The following UVRAG variants were observed in gnomAD, a reference collection of about 807,000 sequenced individuals.
UVRAG encodes UV radiation resistance associated.
UVRAG carries 19 observed loss-of-function variants against 78.0 expected under a neutral mutation model. That is an observed-to-expected ratio of 0.24 (90% CI 0.17 to 0.36). UVRAG has a LOEUF of 0.36. UVRAG is among the 10% of genes least tolerant of loss of function. The pLI, the probability that UVRAG is intolerant of heterozygous loss-of-function variation, is 1.00. For missense variants in UVRAG, 740 were observed against 853.8 expected (o/e 0.87, Z 1.66); for synonymous variants, 323 against 324.6 (o/e 1.00, Z 0.05).
chr11:75,867,023 G>A (rs991008519), intron 3 of UVRAG, among the ~76,000 whole-genome samples: 1 of 151,970 alleles, frequency 6.6e-6, no homozygotes, highest in Non-Finnish European at 1.5e-5. Context: ...AATCCTATTA[G>A]CAATAAAATA....
intron 14 of UVRAG, 86 bp downstream of exon 14, chr11:76,116,101 C>G: frequency 3.1e-6 from 4 of 1,285,330 alleles, no homozygotes; most frequent in Non-Finnish European, 4.4e-6. Context: ...TGCTCCACAC[C>G]TGCCTCTGAG....
chr11:75,979,008 T>C (rs1474381168), intron 7 of UVRAG, among the ~76,000 whole-genome samples: 1 of 152,234 alleles, frequency 6.6e-6, no homozygotes, highest in Non-Finnish European at 1.5e-5. Context: ...TTTGTGGTTT[T>C]ATCTACCTTT....
intron 12 of UVRAG, among the ~76,000 whole-genome samples, chr11:76,040,332 G>A (rs1950621614): frequency 6.6e-6 from 1 of 151,544 alleles, no homozygotes; most frequent in Non-Finnish European, 1.5e-5. Flanking sequence ...AATTAGCCGG[G>A]CATGGTGGCG....
At chr11:76,123,520 G>A (rs1396879310) in intron 14 of UVRAG, among the ~76,000 whole-genome samples, 1 of 152,070 alleles carries the variant, frequency 6.6e-6, no homozygotes, top group East Asian at 1.9e-4. Context: ...TTCTGAATAA[G>A]AAAAAGGAAG....
chr11:75,974,524 G>T (rs922197427), intron 7 of UVRAG, among the ~76,000 whole-genome samples: 1 of 151,112 alleles, frequency 6.6e-6, no homozygotes, highest in African/African-American at 2.4e-5. Flanking sequence ...CCGCCACCGC[G>T]CCCGGCTAAT....
At chr11:76,093,433 A>G (rs917263899) in intron 13 of UVRAG, among the ~76,000 whole-genome samples, 5 of 152,204 alleles carry the variant, frequency 3.3e-5, no homozygotes, top group Non-Finnish European at 4.4e-5. Context: ...CATTGAATCT[A>G]TAAATTACCT....
chr11:76,017,095 T>C (rs907470317), intron 12 of UVRAG, 115 bp downstream of exon 12: 8 of 656,162 alleles, frequency 1.2e-5, no homozygotes, highest in African/African-American at 1.1e-4. Context: ...ATAACCTTTG[T>C]AGAGTGCCTC....
intron 12 of UVRAG, among the ~76,000 whole-genome samples, chr11:76,052,351 C>T (rs1345942644): frequency 2.0e-5 from 3 of 152,224 alleles, no homozygotes; most frequent in African/African-American, 4.8e-5. Flanking sequence ...CCCTTCTGTA[C>T]TCTCACCTGT....
At chr11:76,070,721 T>C (rs1244246750) in intron 13 of UVRAG, among the ~76,000 whole-genome samples, 1 of 152,170 alleles carries the variant, frequency 6.6e-6, no homozygotes, top group Non-Finnish European at 1.5e-5. Flanking sequence ...AGATCCCTGA[T>C]CCCTGCCTCG....
At chr11:75,839,838 T>TAC (rs1555071869) in intron 1 of UVRAG, among the ~76,000 whole-genome samples, 30 of 149,754 alleles carry the variant, frequency 2.0e-4, no homozygotes, top group South Asian at 1.1e-3. Flanking sequence ...TATATATATA[T>TAC]ACACACCCCC....
At chr11:75,988,286 C>G (rs184290633) in intron 8 of UVRAG, among the ~76,000 whole-genome samples, 2 of 152,308 alleles carry the variant, frequency 1.3e-5, no homozygotes, top group East Asian at 3.9e-4. Flanking sequence ...TTTCCTCCAT[C>G]GTTTGACCAC....
chr11:76,068,071 A>G (rs140678319), intron 13 of UVRAG, among the ~76,000 whole-genome samples: 17 of 152,268 alleles, frequency 1.1e-4, no homozygotes, highest in African/African-American at 2.6e-4. Flanking sequence ...CATACACACA[A>G]TATGCACATG....
chr11:75,941,301 TTTA>T (rs966160838), intron 6 of UVRAG, among the ~76,000 whole-genome samples: 1 of 152,126 alleles, frequency 6.6e-6, no homozygotes, highest in Non-Finnish European at 1.5e-5. Context: ...TCTCCATATC[TTTA>T]TTATTAATTT....
At chr11:75,943,133 A>G (rs1272114190) in intron 6 of UVRAG, among the ~76,000 whole-genome samples, 4 of 152,114 alleles carry the variant, frequency 2.6e-5, no homozygotes, top group African/African-American at 7.2e-5. Flanking sequence ...TTGGGAGGGT[A>G]CAAATATTTA....
At chr11:75,876,600 G>T (rs183536122) in intron 3 of UVRAG, among the ~76,000 whole-genome samples, 4 of 151,726 alleles carry the variant, frequency 2.6e-5, no homozygotes, top group Non-Finnish European at 4.4e-5. Flanking sequence ...ATACAATCCA[G>T]TATAAAACTG....
chr11:76,064,632 T>C (rs1951154051), intron 12 of UVRAG, among the ~76,000 whole-genome samples: 1 of 152,322 alleles, frequency 6.6e-6, no homozygotes, highest in East Asian at 1.9e-4. Flanking sequence ...GTGTAACAAA[T>C]TTACCTTTGG....
In UVRAG at chr11:75,935,473, T is replaced by TTC. The variant is rs138539219; in HGVS notation, c.593+23452_593+23453dup. On this transcript the variant is annotated intron_variant, in intron 6 of 14. Transcript: ENST00000356136. ...AGGAAAAAAGGCAATCTGTCTCTCT[T>TTC]TCTCTCTCTCTCTCTCTCTGCTATA... is the stretch of plus-strand genomic sequence containing the variant. Among the ~76,000 whole-genome samples, 1,110 of 149,566 alleles carry TTC rather than the reference T, an allele frequency of 7.4e-3. 13 individuals carry two copies. The highest frequency in any genetic ancestry group is 0.025 in the African/African-American group (1,025 of 41,044).
At chr11:76,045,012 G>T (rs781184369) in intron 12 of UVRAG, among the ~76,000 whole-genome samples, 2 of 152,124 alleles carry the variant, frequency 1.3e-5, no homozygotes, top group Non-Finnish European at 2.9e-5. Context: ...AGAATTGGAG[G>T]CCAGGAGTCT....
chr11:75,958,954 A>G (rs1394209224), intron 6 of UVRAG, among the ~76,000 whole-genome samples: 2 of 152,198 alleles, frequency 1.3e-5, no homozygotes, highest in Non-Finnish European at 2.9e-5. Flanking sequence ...ATTGCCAATG[A>G]ACAATAATAT....
Sources: allele counts gnomAD v4.1 joint callset (sites outside exome capture counted in the v4.1 genomes callset), GRCh38; gene constraint gnomAD v4.1.1; transcripts MANE v1.5; gene names NCBI Gene and HGNC (gene_info 2026-07-23, HGNC 2026-07-21).